Variants in DNM2 observed in about 807,000 individuals in gnomAD.
The protein encoded by DNM2 is dynamin 2.
Under a neutral mutation model 99.0 loss-of-function variants are expected in DNM2, and 15 were observed. The observed-to-expected ratio is 0.15, with a 90% confidence interval of 0.10 to 0.23. The LOEUF is 0.23. DNM2 is among the 10% of genes least tolerant of loss of function. DNM2 has a pLI of 1.00. For missense variants in DNM2, 742 were observed against 1,189.4 expected, an observed-to-expected ratio of 0.62 and a Z score of 5.53; for synonymous variants, 525 against 481.2, an observed-to-expected ratio of 1.09 and a Z score of -1.19.
intron 1 of DNM2, among the ~76,000 whole-genome samples, chr19:10,734,460 T>C (rs1276880393): frequency 6.7e-6 from 1 of 149,514 alleles, no homozygotes; most frequent in Non-Finnish European, 1.5e-5. Flanking sequence ...GGCAATATAG[T>C]GAGACCTCGT....
intron 1 of DNM2, among the ~76,000 whole-genome samples, chr19:10,738,843 CT>C (rs2069628954): frequency 6.8e-6 from 1 of 147,684 alleles, no homozygotes; most frequent in African/African-American, 2.5e-5. Flanking sequence ...GCACTCCAGC[CT>C]GGGCAACAAG....
At chr19:10,782,853 G>T (rs2071425119) in intron 5 of DNM2, 107 bp from the exon 6 acceptor site, 2 of 1,476,064 alleles carry the variant, frequency 1.4e-6, no homozygotes, top group Non-Finnish European at 9.4e-7. Context: ...AGCTGTGAGT[G>T]CCTCGTGGGA....
chr19:10,779,618 C>T (rs774861940), intron 5 of DNM2, among the ~76,000 whole-genome samples: 9 of 148,946 alleles, frequency 6.0e-5, no homozygotes, highest in Non-Finnish European at 1.2e-4. Context: ...AGTGATCCTC[C>T]GAGCTCAGCC....
intron 1 of DNM2, among the ~76,000 whole-genome samples, chr19:10,731,356 T>C (rs1424496766): frequency 8.2e-6 from 1 of 122,094 alleles, no homozygotes; most frequent in Non-Finnish European, 1.8e-5. Context: ...TTTTCCTTCT[T>C]TTTTTTTTTT....
At position 10,772,661 on chromosome 19, in the gene DNM2, C is replaced by T. The variant is rs761469023; in HGVS notation, c.385+33C>T. Reference sequence around the variant, plus strand: ...GCACGGGTGGGGACCCATCACTGACCGTTTCTGGTCGTTCATGGACAGTGC... The same window carrying T: ...GCACGGGTGGGGACCCATCACTGACTGTTTCTGGTCGTTCATGGACAGTGC... On this transcript the variant is annotated intron_variant, in intron 3 of 20. Transcript: ENST00000389253. The surrounding 1 kb of genome is among the most constrained non-coding windows in gnomAD (Gnocchi z 4.9). The T allele has an allele frequency of 6.2e-6, 10 of 1,613,226 alleles. No individual in the cohort carries two copies. Among genetic ancestry groups the T allele is most frequent in the African/African-American group, 5.3e-5 (4 of 75,016 alleles).
At chr19:10,730,679 T>C (rs1315051785) in intron 1 of DNM2, among the ~76,000 whole-genome samples, 2 of 151,784 alleles carry the variant, frequency 1.3e-5, no homozygotes, top group African/African-American at 4.8e-5. Flanking sequence ...ATAACAGTAA[T>C]AGGCTGAGAC....
chr19:10,739,168 G>A lies in DNM2; in HGVS notation c.162-20570G>A, dbSNP rs997634663. On this transcript the variant is annotated intron_variant, in intron 1 of 20. Coordinates refer to ENST00000389253, the MANE Select transcript of DNM2 (RefSeq NM_001005361.3). ...AGCCTGGGCGACAGAGCGAGACTCC[G>A]TCTCAAAAATAAATAAATAAATAAA... 6.6e-5 allele frequency among the ~76,000 whole-genome samples: 10 copies of A among 152,170 alleles called. 2 individuals carry two copies. The South Asian group carries it at 2.1e-3, about 32-fold the overall frequency.
At chr19:10,746,327 G>T (rs1203936874) in intron 1 of DNM2, among the ~76,000 whole-genome samples, 3 of 151,352 alleles carry the variant, frequency 2.0e-5, no homozygotes, top group Non-Finnish European at 4.4e-5. Flanking sequence ...GGGGAGGAGG[G>T]CACGGAGGTG....
In DNM2 at chr19:10,806,026, C is replaced by T. The variant is rs1467455242; in HGVS notation, c.1545+59C>T. 3.1e-6 allele frequency: 5 copies of T among 1,605,740 alleles called. No individual in the cohort carries two copies. In the African/African-American group the frequency reaches 4.0e-5, roughly 13 times the overall value. ...CTGGGGGCGGGAGGACGCTAAGTGA[C>T]AGCTAAGCCCCCGTGATGGAGCTCG... On this transcript the variant is annotated intron_variant, in intron 13 of 20. Transcript: ENST00000389253.
intron 1 of DNM2, among the ~76,000 whole-genome samples, chr19:10,748,797 G>A (rs2070088854): frequency 6.6e-6 from 1 of 152,210 alleles, no homozygotes; most frequent in Non-Finnish European, 1.5e-5. Context: ...CCCCTCTGGG[G>A]TTGTCAGAGG....
chr19:10,814,214 C>T (rs760375347), intron 15 of DNM2, among the ~76,000 whole-genome samples: 1 of 152,128 alleles, frequency 6.6e-6, no homozygotes. Flanking sequence ...CCATTAATCC[C>T]AGCACTTTGG....
intron 1 of DNM2, among the ~76,000 whole-genome samples, chr19:10,742,983 C>T (rs544149919): frequency 4.6e-5 from 7 of 150,788 alleles, no homozygotes; most frequent in South Asian, 2.1e-4. Context: ...GCTCAGTCTC[C>T]GCTGACTGCA....
At chr19:10,782,118 G>A (rs1416347366) in intron 5 of DNM2, among the ~76,000 whole-genome samples, 3 of 151,964 alleles carry the variant, frequency 2.0e-5, no homozygotes, top group Non-Finnish European at 2.9e-5. Context: ...CTGCAACCTC[G>A]AACTCCCAGG....
Position 10,795,793 on chromosome 19 carries a change from A to AT in DNM2, c.1196+355dup, listed in dbSNP as rs2071910948. On this transcript the variant is annotated intron_variant, in intron 9 of 20. Coordinates refer to ENST00000389253, the MANE Select transcript of DNM2 (RefSeq NM_001005361.3). The surrounding 1 kb of genome is among the most constrained non-coding windows in gnomAD (Gnocchi z 4.2). ...TGAATCAGGGTTTTGGGAAGCCAGC[A>AT]TGAGTCCCCATCATGGCTTCCTCGT... 3.3e-6 allele frequency: 2 copies of AT among 597,034 alleles called. No individual in the cohort carries two copies. Among genetic ancestry groups the AT allele is most frequent in the African/African-American group, 1.9e-5 (1 of 53,870 alleles). 37.0% of individuals were successfully genotyped at this position (597,034 alleles called of 1,614,324 possible). A position where few individuals can be genotyped will look rare whatever the true frequency, so the allele number is the denominator to read the frequency against.
chr19:10,745,064 T>C (rs898130691), intron 1 of DNM2, among the ~76,000 whole-genome samples: 5 of 152,170 alleles, frequency 3.3e-5, no homozygotes, highest in African/African-American at 1.2e-4. Flanking sequence ...TTGGAGACTA[T>C]AAAACAGCAA....
rs1259104968 is a variant in DNM2 at position 10,830,020 on chromosome 19, G to A, written c.2292-107G>A. 25 of 1,526,532 alleles carry A rather than the reference G, an allele frequency of 1.6e-5. No homozygotes were observed. The highest frequency in any genetic ancestry group is 3.5e-4 in the Middle Eastern group (2 of 5,646). 94.6% of individuals were successfully genotyped at this position (1,526,532 alleles called of 1,614,324 possible). Reference sequence around the variant, plus strand: ...GGTGGGAGGATCCCACTGCGCCTGCGCTGTCCCCATAGCCAGCCCCCACCT... The same window carrying A: ...GGTGGGAGGATCCCACTGCGCCTGCACTGTCCCCATAGCCAGCCCCCACCT... On this transcript the variant is annotated intron_variant, in intron 19 of 20. Coordinates refer to ENST00000389253, the MANE Select transcript of DNM2 (RefSeq NM_001005361.3). This position sits in a 1 kb window ranked among gnomAD's most constrained non-coding sequence, Gnocchi z 4.8.
chr19:10,747,059 G>A (rs1170856130), intron 1 of DNM2, among the ~76,000 whole-genome samples: 1 of 147,588 alleles, frequency 6.8e-6, no homozygotes, highest in Admixed American at 6.7e-5. Context: ...TTTTTTAGTA[G>A]TAGAGACAGG....
At chr19:10,806,215 G>A (rs1007853385) in intron 13 of DNM2, among the ~76,000 whole-genome samples, 2 of 152,184 alleles carry the variant, frequency 1.3e-5, no homozygotes, top group African/African-American at 2.4e-5. Context: ...GCCATCCAAG[G>A]CCAGGGTTAG....
chr19:10,783,153 G>A (rs2071434435), intron 6 of DNM2, 33 bp downstream of exon 6: 1 of 1,604,310 alleles, frequency 6.2e-7, no homozygotes, highest in African/African-American at 1.3e-5. Flanking sequence ...GTGTGCAGTG[G>A]CATAGGCTGT....
Sources: gnomAD v4.1 joint callset for allele counts (sites outside exome capture counted in the v4.1 genomes callset) on GRCh38, gnomAD v4.1.1 for gene constraint, Gnocchi (gnomAD v3.1) non-coding constraint, MANE v1.5 for transcripts, NCBI Gene and HGNC (gene_info 2026-07-23, HGNC 2026-07-21) for gene names.